PTPRA: variants seen among roughly 807,000 people sequenced by gnomAD.
PTPRA encodes receptor-type tyrosine-protein phosphatase alpha.
Under a neutral mutation model 104.8 loss-of-function variants are expected in PTPRA, and 25 were observed. The observed-to-expected ratio is 0.24, with a 90% CI of 0.17 to 0.33. The LOEUF (loss-of-function observed/expected upper bound fraction) is 0.33, where lower values mean the gene tolerates loss of function less well. PTPRA is among the 10% of genes least tolerant of loss of function. The probability of loss-of-function intolerance (pLI) is 1.00; values close to 1 mark genes in which losing one functional copy is unlikely to be tolerated. For missense variants in PTPRA, 765 were observed against 1,015.3 expected (o/e 0.75, Z 3.35); for synonymous variants, 323 against 368.9 (o/e 0.88, Z 1.43).
chr20:3,026,663 T>G, intron 17 of PTPRA, 24 bp from the exon 18 acceptor site: 3 of 1,560,512 alleles, frequency 1.9e-6, no homozygotes, highest in Non-Finnish European at 2.7e-6. Context: ...ATCAGTAATG[T>G]TTCCCCTCCC....
chr20:3,013,683 T>A (rs574413895), intron 11 of PTPRA, among the ~76,000 whole-genome samples: 28 of 152,244 alleles, frequency 1.8e-4, no homozygotes, highest in African/African-American at 6.5e-4. Flanking sequence ...AGTGTTGGGA[T>A]TAGAGGCATG....
At chr20:2,989,618 A>G (rs2063063920) in intron 9 of PTPRA, among the ~76,000 whole-genome samples, 1 of 152,160 alleles carries the variant, frequency 6.6e-6, no homozygotes, top group Non-Finnish European at 1.5e-5. Context: ...TGAAGACCAG[A>G]GCTTCAAAGG....
chr20:2,920,799 G>A (rs1191793255), intron 1 of PTPRA, among the ~76,000 whole-genome samples: 1 of 151,616 alleles, frequency 6.6e-6, no homozygotes, highest in East Asian at 1.9e-4. Context: ...GTGATGGCTG[G>A]GATGGGGGGC....
At chr20:2,954,977 T>A (rs1416644517) in intron 3 of PTPRA, among the ~76,000 whole-genome samples, 1 of 152,246 alleles carries the variant, frequency 6.6e-6, no homozygotes, top group Admixed American at 6.5e-5. Flanking sequence ...TTTGCAACTT[T>A]TATTTGGGCA....
At chr20:2,889,769 A>G (rs1291275312) in intron 1 of PTPRA, among the ~76,000 whole-genome samples, 1 of 152,172 alleles carries the variant, frequency 6.6e-6, no homozygotes, top group East Asian at 1.9e-4. Flanking sequence ...AAAGGGAACT[A>G]AGGGGTCTGT....
At chr20:3,010,394 C>T (rs1053109939) in intron 11 of PTPRA, among the ~76,000 whole-genome samples, 8 of 151,558 alleles carry the variant, frequency 5.3e-5, no homozygotes, top group Non-Finnish European at 1.2e-4. Flanking sequence ...TTTGGGAGGC[C>T]GAGGCGGGCG....
chr20:2,992,666 T>TAGG (rs1467371137), intron 9 of PTPRA, among the ~76,000 whole-genome samples: 2 of 56,616 alleles, frequency 3.5e-5, no homozygotes, highest in East Asian at 1.7e-3. Context: ...CATGGTCTTA[T>TAGG]ATCCATATCC....
chr20:2,997,968 A>G (rs1448204744), intron 9 of PTPRA, among the ~76,000 whole-genome samples: 1 of 152,130 alleles, frequency 6.6e-6, no homozygotes, highest in East Asian at 1.9e-4. Flanking sequence ...TCTACAAAAC[A>G]ATTTTTTTTA....
At chr20:2,936,182 C>T (rs560026567) in intron 2 of PTPRA, among the ~76,000 whole-genome samples, 2 of 152,060 alleles carry the variant, frequency 1.3e-5, no homozygotes, top group Admixed American at 1.3e-4. Flanking sequence ...TTTGAGGAAC[C>T]TCCATACATG....
At chr20:2,922,935 A>G (rs114458209) in intron 1 of PTPRA, among the ~76,000 whole-genome samples, 2,515 of 151,156 alleles carry the variant, frequency 0.017, 65 homozygotes, top group African/African-American at 0.056. Flanking sequence ...GCTCCTGGCT[A>G]TTTTCTTTTG....
intron 2 of PTPRA, among the ~76,000 whole-genome samples, chr20:2,928,638 G>C (rs1194168710): frequency 6.6e-6 from 1 of 151,934 alleles, no homozygotes; most frequent in Non-Finnish European, 1.5e-5. Context: ...TGTACTTGGT[G>C]GGCCCCTTAA....
intron 9 of PTPRA, among the ~76,000 whole-genome samples, chr20:2,989,383 A>G (rs1456368670): frequency 6.6e-6 from 1 of 152,168 alleles, no homozygotes; most frequent in African/African-American, 2.4e-5. Context: ...CAGTGAGCCA[A>G]GGTCACGCCA....
chr20:2,900,024 C>T (rs541681708), intron 1 of PTPRA, among the ~76,000 whole-genome samples: 6 of 152,164 alleles, frequency 3.9e-5, no homozygotes, highest in Non-Finnish European at 7.4e-5. Flanking sequence ...GCAGGAGAAT[C>T]GTTTGAACCC....
chr20:2,921,308 T>C (rs1306909865), intron 1 of PTPRA, among the ~76,000 whole-genome samples: 2 of 149,026 alleles, frequency 1.3e-5, no homozygotes, highest in Non-Finnish European at 3.0e-5. Flanking sequence ...ATTTCCTTAG[T>C]ACCTGGGAAT....
intron 22 of PTPRA, among the ~76,000 whole-genome samples, chr20:3,036,498 G>A (rs926780347): frequency 6.6e-6 from 1 of 152,232 alleles, no homozygotes; most frequent in African/African-American, 2.4e-5. Context: ...CCTGCCATGG[G>A]CCTGAGATGC....
chr20:2,944,145 A>G lies in PTPRA; in HGVS notation c.-49-3837A>G, dbSNP rs537409867. Among the ~76,000 whole-genome samples, 131 of 151,614 alleles carry G rather than the reference A, an allele frequency of 8.6e-4. 1 individual carries two copies. Among genetic ancestry groups the G allele is most frequent in the African/African-American group, 3.0e-3 (124 of 41,290 alleles). The stretch of plus-strand genomic sequence containing the variant: ...AACCTCCGCCTCCCAGGCTCAAGCA[A>G]TTGTCCTGTCTCAACCTTCTGAGTA... On this transcript the variant is annotated intron_variant, in intron 2 of 23. Transcript: ENST00000399903.
intron 9 of PTPRA, among the ~76,000 whole-genome samples, chr20:3,003,675 C>T (rs1383357622): frequency 1.3e-5 from 2 of 149,648 alleles, no homozygotes; most frequent in Non-Finnish European, 3.0e-5. Flanking sequence ...GCTGGGACTA[C>T]AGGCATGCAC....
At chr20:2,882,721 C>T (rs2090129806) in intron 1 of PTPRA, among the ~76,000 whole-genome samples, 1 of 152,128 alleles carries the variant, frequency 6.6e-6, no homozygotes, top group South Asian at 2.1e-4. Context: ...TTCATAAGAA[C>T]ATTACTATAT....
Position 3,022,046 on chromosome 20 carries a change from C to G in PTPRA, c.1162-8C>G. The G allele has an allele frequency of 6.2e-7, 1 of 1,614,026 alleles. No individual in the cohort carries two copies. The highest frequency in any genetic ancestry group is 8.5e-7 in the Non-Finnish European group (1 of 1,179,898). ...AGGGCCAACACACAGGATCTCCTCA[C>G]TTCACAGGTGGGCGACATGACCAAC... On this transcript the variant is annotated splice_region_variant and splice_polypyrimidine_tract_variant and intron_variant, in intron 14 of 23. Coordinates refer to ENST00000399903, the MANE Select transcript of PTPRA (RefSeq NM_001385305.1). The surrounding 1 kb of genome is among the most constrained non-coding windows in gnomAD (Gnocchi z 4.6).
Sources: allele counts gnomAD v4.1 joint callset (sites outside exome capture counted in the v4.1 genomes callset), GRCh38; gene constraint gnomAD v4.1.1; non-coding constraint Gnocchi (gnomAD v3.1); transcripts MANE v1.5; gene names NCBI Gene and HGNC (gene_info 2026-07-23, HGNC 2026-07-21).